The following CDH8 variants were observed in gnomAD, a reference collection of about 807,000 sequenced individuals.
The protein encoded by CDH8 is cadherin 8.
Under a neutral mutation model 68.1 loss-of-function variants are expected in CDH8, and 17 were observed. That is an observed-to-expected ratio of 0.25 (90% CI 0.17 to 0.37). The LOEUF (loss-of-function observed/expected upper bound fraction) is 0.37, where lower values mean the gene tolerates loss of function less well. Ranked by LOEUF, CDH8 falls within the 10% of genes least tolerant of loss-of-function variation. CDH8 has a pLI of 1.00. For missense variants in CDH8, 763 were observed against 999.3 expected (o/e 0.76, Z 3.19); for synonymous variants, 372 against 365.1 (o/e 1.02, Z -0.21).
At chr16:61,768,360 C>T (rs1194607615) in intron 8 of CDH8, among the ~76,000 whole-genome samples, 38 of 108,336 alleles carry the variant, frequency 3.5e-4, no homozygotes, top group African/African-American at 5.6e-4. Context: ...CTCTCTCTCT[C>T]TCTCTCTCCC....
At chr16:61,904,620 T>A (rs1481951675) in intron 2 of CDH8, among the ~76,000 whole-genome samples, 2 of 152,198 alleles carry the variant, frequency 1.3e-5, no homozygotes, top group African/African-American at 4.8e-5. Context: ...AAAATATAAG[T>A]GTTATTTTCA....
chr16:61,744,139 C>A (rs372479400), intron 8 of CDH8, among the ~76,000 whole-genome samples: 9 of 152,008 alleles, frequency 5.9e-5, no homozygotes, highest in Admixed American at 3.9e-4. Flanking sequence ...GTATTTTATA[C>A]CTTTCAATGA....
intron 3 of CDH8, among the ~76,000 whole-genome samples, chr16:61,882,682 G>A (rs1184477032): frequency 6.6e-6 from 1 of 152,126 alleles, no homozygotes; most frequent in African/African-American, 2.4e-5. Flanking sequence ...GAGAGCACAT[G>A]AACACATAGA....
intron 4 of CDH8, among the ~76,000 whole-genome samples, chr16:61,854,488 C>A (rs1029398946): frequency 6.6e-6 from 1 of 152,050 alleles, no homozygotes; most frequent in African/African-American, 2.4e-5. Context: ...AGAAGATCTG[C>A]ATTTGATAAG....
intron 8 of CDH8, among the ~76,000 whole-genome samples, chr16:61,781,666 T>C (rs1245291782): frequency 6.6e-6 from 1 of 152,162 alleles, no homozygotes; most frequent in African/African-American, 2.4e-5. Flanking sequence ...TCTTTATAAT[T>C]ATTGACTATC....
intron 8 of CDH8, among the ~76,000 whole-genome samples, chr16:61,729,328 TTAC>T (rs1197813344): frequency 2.6e-5 from 4 of 151,168 alleles, no homozygotes; most frequent in African/African-American, 4.8e-5. Context: ...AGGTTACTAA[TTAC>T]TACTATCTCC....
intron 2 of CDH8, among the ~76,000 whole-genome samples, chr16:61,970,529 G>GA (rs374613451): frequency 2.6e-5 from 4 of 151,956 alleles, no homozygotes; most frequent in Admixed American, 6.6e-5. Flanking sequence ...AAATAAAGCT[G>GA]AAAAAAATAA....
At chr16:61,687,076 T>C (rs926596788) in intron 10 of CDH8, among the ~76,000 whole-genome samples, 9 of 151,966 alleles carry the variant, frequency 5.9e-5, no homozygotes, top group Non-Finnish European at 1.2e-4. Context: ...ATTATGTTGA[T>C]ACTTTCCTTA....
chr16:61,739,440 ACT>A (rs1325614255), intron 8 of CDH8, among the ~76,000 whole-genome samples: 10 of 151,720 alleles, frequency 6.6e-5, no homozygotes, highest in Admixed American at 5.9e-4. Context: ...GTTATACCTC[ACT>A]CTCTCTTTGA....
intron 2 of CDH8, among the ~76,000 whole-genome samples, chr16:61,951,404 T>G (rs1216211253): frequency 6.6e-6 from 1 of 151,176 alleles, no homozygotes; most frequent in Non-Finnish European, 1.5e-5. Context: ...TCCCAGCTAC[T>G]TGGGAGGCTG....
At chr16:61,789,716 C>A (rs1226193623) in intron 7 of CDH8, among the ~76,000 whole-genome samples, 1 of 152,064 alleles carries the variant, frequency 6.6e-6, no homozygotes, top group Non-Finnish European at 1.5e-5. Context: ...AAACTGCCAT[C>A]AGTTTCAATA....
At chr16:61,897,550 A>G (rs1397153610) in intron 3 of CDH8, among the ~76,000 whole-genome samples, 1 of 152,216 alleles carries the variant, frequency 6.6e-6, no homozygotes, top group African/African-American at 2.4e-5. Flanking sequence ...TAACATATTT[A>G]TAAGACACAT....
intron 3 of CDH8, among the ~76,000 whole-genome samples, chr16:61,862,487 C>T (rs938281477): frequency 6.6e-6 from 1 of 152,134 alleles, no homozygotes; most frequent in African/African-American, 2.4e-5. Flanking sequence ...ATATTTCTGC[C>T]TGATGTCTGG....
At chr16:61,698,708 C>T (rs762684542) in intron 10 of CDH8, among the ~76,000 whole-genome samples, 8 of 152,168 alleles carry the variant, frequency 5.3e-5, no homozygotes, top group African/African-American at 7.2e-5. Flanking sequence ...AAACTCTATC[C>T]GCTTAATCTC....
intron 10 of CDH8, among the ~76,000 whole-genome samples, chr16:61,691,212 T>G (rs564652726): frequency 2.0e-5 from 3 of 152,182 alleles, no homozygotes; most frequent in African/African-American, 7.2e-5. Flanking sequence ...TTATTGTCCC[T>G]CTCATTGTCT....
At chr16:61,712,482 T>C (rs1435559051) in intron 10 of CDH8, among the ~76,000 whole-genome samples, 2 of 151,672 alleles carry the variant, frequency 1.3e-5, no homozygotes, top group African/African-American at 4.8e-5. Context: ...TACTTACTAG[T>C]TCAAAATCAG....
intron 2 of CDH8, among the ~76,000 whole-genome samples, chr16:61,949,183 C>T (rs1043641343): frequency 6.6e-6 from 1 of 152,184 alleles, no homozygotes; most frequent in African/African-American, 2.4e-5. Context: ...TGGGAAAGGA[C>T]TCTCTAACAA....
intron 3 of CDH8, among the ~76,000 whole-genome samples, chr16:61,869,033 T>C (rs1211378158): frequency 6.6e-6 from 1 of 152,180 alleles, no homozygotes; most frequent in Non-Finnish European, 1.5e-5. Flanking sequence ...ACGCAGACCA[T>C]ATTCTTAAGT....
At chr16:61,978,191 G>T (rs1375190365) in intron 2 of CDH8, among the ~76,000 whole-genome samples, 1 of 152,094 alleles carries the variant, frequency 6.6e-6, no homozygotes, top group Non-Finnish European at 1.5e-5. Context: ...GCATTTTAGG[G>T]AGCATAGTAG....
Sources: gnomAD v4.1 joint callset for allele counts (sites outside exome capture counted in the v4.1 genomes callset) on GRCh38, gnomAD v4.1.1 for gene constraint, MANE v1.5 for transcripts, NCBI Gene and HGNC (gene_info 2026-07-23, HGNC 2026-07-21) for gene names.